SLC9A2: variants seen among roughly 807,000 people sequenced by gnomAD.
The protein encoded by SLC9A2 is solute carrier family 9 member A2.
SLC9A2 carries 42 observed loss-of-function variants against 71.7 expected under a neutral mutation model. That is an observed-to-expected ratio of 0.59 (90% CI 0.46 to 0.76). The LOEUF (loss-of-function observed/expected upper bound fraction) is 0.76. Ranked by LOEUF, SLC9A2 falls within the 30% of genes least tolerant of loss-of-function variation. The pLI is 0.00. For missense variants in SLC9A2, 829 were observed against 1,017.4 expected (o/e 0.81, Z 2.52); for synonymous variants, 396 against 392.5 (o/e 1.01, Z -0.10).
At chr2:102,646,789 A>ATC (rs1676733340) in intron 1 of SLC9A2, among the ~76,000 whole-genome samples, 1 of 148,254 alleles carries the variant, frequency 6.7e-6, no homozygotes, top group African/African-American at 2.5e-5. Context: ...ATATATATAT[A>ATC]TCTCCAATAC....
At position 102,620,050 on chromosome 2, in the gene SLC9A2, C is replaced by G. The variant is rs758936239; in HGVS notation, c.202C>G (p.Leu68Val). 2 of 1,614,144 alleles carry G rather than the reference C, an allele frequency of 1.2e-6. No homozygotes were observed. The highest frequency in any genetic ancestry group is 2.2e-5 in the South Asian group (2 of 91,050). ...PGTTLFEESR[L>V]PVFTLDYPHV... ...AACGACGCTGTTCGAGGAGAGCCGGCTGCCTGTGTTTACGCTGGATTACCC... is the reference window on the plus strand; with the variant it reads ...AACGACGCTGTTCGAGGAGAGCCGGGTGCCTGTGTTTACGCTGGATTACCC... Residue 68 changes from leucine (L) to valine (V), a missense_variant, in exon 1 of 12, where the codon CTG (leucine) becomes GTG (valine). By Grantham distance (32) the Leu-to-Val change is conservative. This residue lies in a region of SLC9A2 where 106 missense variants were observed against 93.5 expected (regional missense o/e 1.13). Coordinates refer to ENST00000233969, the MANE Select transcript of SLC9A2 (RefSeq NM_003048.6).
intron 10 of SLC9A2, 140 bp downstream of exon 10, chr2:102,704,815 C>A: frequency 1.2e-6 from 1 of 849,682 alleles, no homozygotes; most frequent in South Asian, 1.7e-5. Context: ...GCTGGGGTGG[C>A]CGGGGGAAGT....
chr2:102,684,067 G>T (rs753215961), intron 4 of SLC9A2, 67 bp from the exon 5 acceptor site: 1 of 1,138,496 alleles, frequency 8.8e-7, no homozygotes, highest in Non-Finnish European at 1.3e-6. Context: ...CACAGAAAAT[G>T]AGTCTATGTA....
intron 1 of SLC9A2, among the ~76,000 whole-genome samples, chr2:102,646,117 C>G (rs558369995): frequency 6.6e-6 from 1 of 152,280 alleles, no homozygotes; most frequent in East Asian, 1.9e-4. Flanking sequence ...TGCAAAAACT[C>G]TACAAGCCAG....
chr2:102,651,165 G>A (rs903454319), intron 1 of SLC9A2, among the ~76,000 whole-genome samples: 1 of 152,058 alleles, frequency 6.6e-6, no homozygotes, highest in African/African-American at 2.4e-5. Flanking sequence ...CACTTTAATG[G>A]TTGGAAGCCA....
At chr2:102,663,118 T>C (rs745998124) in intron 2 of SLC9A2, among the ~76,000 whole-genome samples, 32 of 152,234 alleles carry the variant, frequency 2.1e-4, no homozygotes, top group Admixed American at 3.9e-4. Flanking sequence ...TGAAAACCGA[T>C]GCTGACAGCA....
intron 1 of SLC9A2, among the ~76,000 whole-genome samples, chr2:102,649,420 C>A (rs113874701): frequency 0.52 from 78,296 of 151,914 alleles, 21,472 homozygotes; most frequent in East Asian, 0.77. Flanking sequence ...ATGGGCAGAA[C>A]CTTAATGACT....
intron 1 of SLC9A2, among the ~76,000 whole-genome samples, chr2:102,628,351 A>G (rs896873093): frequency 1.3e-5 from 2 of 152,140 alleles, no homozygotes; most frequent in African/African-American, 4.8e-5. Flanking sequence ...AACTGGAATG[A>G]TGACTGCTTT....
intron 5 of SLC9A2, among the ~76,000 whole-genome samples, chr2:102,688,480 A>G (rs765909887): frequency 4.6e-4 from 70 of 152,256 alleles, no homozygotes; most frequent in Admixed American, 4.1e-3. Flanking sequence ...CTGTAATTCC[A>G]GCACTTTGGG....
At chr2:102,667,657 T>C (rs2104527795) in intron 3 of SLC9A2, among the ~76,000 whole-genome samples, 1 of 152,306 alleles carries the variant, frequency 6.6e-6, no homozygotes, top group East Asian at 1.9e-4. Flanking sequence ...GGCCACATAT[T>C]CCTGATAAAT....
rs913366831 is a variant in SLC9A2, at chr2:102,665,723, G to T, written c.1004+373G>T. Among the ~76,000 whole-genome samples the T allele has an allele frequency of 3.3e-5, 4 of 122,728 alleles. No homozygotes were observed. In the Admixed American group the frequency reaches 4.5e-4, roughly 14 times the overall value. 80.5% of individuals were successfully genotyped at this position (122,728 alleles called of 152,430 possible). On this transcript the variant is annotated intron_variant, in intron 3 of 11. Transcript: ENST00000233969. ...CGGGAGGCGGAGCTTGCGGTGAGCC[G>T]AGATTGTGCCACTGCACTCCAGCCT... is the stretch of plus-strand genomic sequence containing the variant.
At chr2:102,642,026 A>G (rs946999276) in intron 1 of SLC9A2, among the ~76,000 whole-genome samples, 2 of 143,528 alleles carry the variant, frequency 1.4e-5, no homozygotes, top group Admixed American at 1.5e-4. Flanking sequence ...ATGCACAAGT[A>G]CCCTAGAACT....
rs1370607453 is a variant in SLC9A2, at chr2:102,701,118, A to T, written c.1635A>T (p.Glu545Asp). The change falls in exon 8 of 12, where the codon GAA becomes GAT. Residue 545 changes from glutamate (E) to aspartate (D), a missense_variant. Physicochemically the swap from Glu to Asp is conservative, Grantham distance 45 (BLOSUM62 2). This residue lies in a region of SLC9A2 where 500 missense variants were observed against 726.3 expected (regional missense o/e 0.69). Transcript: ENST00000233969. ...DKYLRKLLIRENQPKSSIVSL... is the reference protein window; with the variant it reads ...DKYLRKLLIRDNQPKSSIVSL... ...ATCTGCGGAAGCTTTTGATTCGGGA[A>T]AACCAACCAAAGTCAAGTATTGTAT... The T allele has an allele frequency of 6.2e-7, 1 of 1,610,484 alleles. No homozygotes were observed. The highest frequency in any genetic ancestry group is 1.7e-5 in the Admixed American group (1 of 58,992).
At chr2:102,651,612 G>T (rs992317862) in intron 1 of SLC9A2, among the ~76,000 whole-genome samples, 2 of 152,160 alleles carry the variant, frequency 1.3e-5, no homozygotes, top group Admixed American at 1.3e-4. Flanking sequence ...TCAATCAAAA[G>T]GATTCTCTCA....
intron 1 of SLC9A2, among the ~76,000 whole-genome samples, chr2:102,654,319 T>G (rs531807763): frequency 6.7e-6 from 1 of 150,176 alleles, no homozygotes; most frequent in Non-Finnish European, 1.5e-5. Context: ...TTCAGGGAAC[T>G]TTTTTTATTT....
chr2:102,632,420 C>G (rs1412306880), intron 1 of SLC9A2, among the ~76,000 whole-genome samples: 4 of 151,248 alleles, frequency 2.6e-5, no homozygotes, highest in African/African-American at 7.3e-5. Context: ...TAGACATGGG[C>G]GTATTGTCAT....
At chr2:102,679,475 G>T (rs373119722) in intron 3 of SLC9A2, among the ~76,000 whole-genome samples, 4 of 151,394 alleles carry the variant, frequency 2.6e-5, no homozygotes, top group Non-Finnish European at 5.9e-5. Context: ...TCTGCCTCCC[G>T]GGTTCACGCC....
At chr2:102,656,674 G>A (rs1015621893) in intron 1 of SLC9A2, among the ~76,000 whole-genome samples, 2 of 152,128 alleles carry the variant, frequency 1.3e-5, no homozygotes. Flanking sequence ...AGAATCAGAC[G>A]TTAAAAATAA....
intron 7 of SLC9A2, among the ~76,000 whole-genome samples, chr2:102,698,951 C>A (rs148132711): frequency 3.3e-5 from 5 of 152,084 alleles, no homozygotes; most frequent in African/African-American, 1.2e-4. Context: ...TTCTACCACA[C>A]GTGCTTACAG....
Sources: gnomAD v4.1 joint callset for allele counts (sites outside exome capture counted in the v4.1 genomes callset) on GRCh38, gnomAD v4.1.1 for gene constraint, gnomAD v4.1.1 regional missense constraint, MANE v1.5 for transcripts, NCBI Gene and HGNC (gene_info 2026-07-23, HGNC 2026-07-21) for gene names.